Variants in REV1 observed in about 807,000 individuals in gnomAD.
REV1 encodes the protein REV1 DNA directed polymerase, also known as translesion synthesis protein REV1.
A neutral mutation model predicts 137.4 loss-of-function variants in REV1; 42 were observed. The ratio of observed to expected loss-of-function variants is 0.31; its 90% CI spans 0.24 to 0.40. The LOEUF (loss-of-function observed/expected upper bound fraction) is 0.40, where lower values mean the gene tolerates loss of function less well. REV1 is among the 10% of genes least tolerant of loss of function. The pLI, the probability that REV1 is intolerant of heterozygous loss-of-function variation, is 1.00. For missense variants in REV1, 1,282 were observed against 1,490.1 expected (o/e 0.86, Z 2.30); for synonymous variants, 524 against 519.2 (o/e 1.01, Z -0.12).
Position 99,400,634 on chromosome 2 carries a change from A to G in REV1, c.*607T>C, listed in dbSNP as rs1208693679. On this transcript the variant is annotated 3_prime_UTR_variant, in exon 23 of 23. Transcript: ENST00000258428. ...CAACACCACCTCTGATCTACGGGAC[A>G]TAATGTTCCCAGGAAAAAAATCTTC... 1 of 152,232 alleles carries G rather than the reference A, an allele frequency of 6.6e-6. No individual in the cohort carries two copies. The highest frequency in any genetic ancestry group is 1.5e-5 in the Non-Finnish European group (1 of 68,042). 9.4% of individuals were successfully genotyped at this position (152,232 alleles called of 1,614,324 possible). A position where few individuals can be genotyped will look rare whatever the true frequency, so the allele number is the denominator to read the frequency against.
intron 13 of REV1, 109 bp from the exon 14 acceptor site, chr2:99,410,976 C>G (rs1574997096): frequency 7.8e-6 from 8 of 1,029,690 alleles, no homozygotes; most frequent in Non-Finnish European, 1.1e-5. Context: ...TACTCACTAT[C>G]ACGCTCAGCA....
At chr2:99,416,994 G>A (rs1677980077) in intron 12 of REV1, among the ~76,000 whole-genome samples, 1 of 150,916 alleles carries the variant, frequency 6.6e-6, no homozygotes, top group African/African-American at 2.4e-5. Flanking sequence ...ACTAGGTCAA[G>A]TAGCTAAAAC....
Position 99,455,864 on chromosome 2 carries a change from T to C in REV1, c.182-6360A>G, listed in dbSNP as rs772434917. ...ATTCCCCCTTGTTTCATTTTGTGAA[T>C]TGTGCTAAAGTACTTGTCCGGGCCC... On this transcript the variant is annotated intron_variant, in intron 3 of 22. Transcript: ENST00000258428. 3.3e-5 allele frequency among the ~76,000 whole-genome samples: 5 copies of C among 152,228 alleles called. No individual in the cohort carries two copies. In the South Asian group the frequency reaches 6.2e-4, roughly 19 times the overall value.
chr2:99,453,496 C>T, intron 3 of REV1, among the ~76,000 whole-genome samples: 1 of 152,178 alleles, frequency 6.6e-6, no homozygotes, highest in Non-Finnish European at 1.5e-5. Flanking sequence ...TTAAATTTTG[C>T]AATTCATAAT....
intron 8 of REV1, among the ~76,000 whole-genome samples, chr2:99,430,733 C>T (rs1680006302): frequency 1.3e-5 from 2 of 152,176 alleles, no homozygotes; most frequent in South Asian, 4.1e-4. Flanking sequence ...AGCCTACTGG[C>T]TGCATGCCAC....
At chr2:99,449,737 G>A (rs1682698240) in intron 3 of REV1, among the ~76,000 whole-genome samples, 1 of 147,938 alleles carries the variant, frequency 6.8e-6, no homozygotes, top group African/African-American at 2.5e-5. Context: ...AAACATCTAA[G>A]AAGTGCCTAG....
At chr2:99,458,615 A>G (rs1205678713) in intron 3 of REV1, among the ~76,000 whole-genome samples, 1 of 152,360 alleles carries the variant, frequency 6.6e-6, no homozygotes, top group Non-Finnish European at 1.5e-5. Context: ...ACAAATGTTC[A>G]TAGCCTACCA....
At chr2:99,459,942 T>G (rs537171485) in intron 3 of REV1, among the ~76,000 whole-genome samples, 1 of 152,000 alleles carries the variant, frequency 6.6e-6, no homozygotes, top group Non-Finnish European at 1.5e-5. Context: ...TCAAGAACAC[T>G]TGGATTATTA....
intron 5 of REV1, 90 bp from the exon 6 acceptor site, chr2:99,439,400 G>A (rs1559351497): frequency 2.5e-6 from 2 of 814,214 alleles, no homozygotes; most frequent in Non-Finnish European, 3.7e-6. Context: ...GTGGTACACA[G>A]TTTGGTATTT....
intron 14 of REV1, among the ~76,000 whole-genome samples, chr2:99,410,011 T>C (rs74675814): frequency 0.013 from 1,988 of 152,254 alleles, 42 homozygotes; most frequent in African/African-American, 0.045. Context: ...ATAGTCTGCC[T>C]TTGTGTATCA....
In REV1 at chr2:99,408,219, T is replaced by TA. The variant is rs985140373; in HGVS notation, c.2346-89dup. 9.2e-5 allele frequency: 61 copies of TA among 663,340 alleles called. 1 individual carries two copies. The Middle Eastern group carries it at 6.3e-3, about 68-fold the overall frequency. The allele number at this position is 663,340 out of a possible 1,614,324, so 41.1% of individuals were successfully genotyped here. A position where few individuals can be genotyped will look rare whatever the true frequency, so the allele number is the denominator to read the frequency against. ...AGTATGGAACTGTTTAAAAGAGTTATAGAAAAGTTGTAAACAGTTACAAAG... is the reference window on the plus strand; with the variant it reads ...AGTATGGAACTGTTTAAAAGAGTTATAAGAAAAGTTGTAAACAGTTACAAAG... On this transcript the variant is annotated intron_variant, in intron 14 of 22. Coordinates refer to ENST00000258428, the MANE Select transcript of REV1 (RefSeq NM_016316.4).
intron 12 of REV1, among the ~76,000 whole-genome samples, chr2:99,413,393 G>T (rs965722488): frequency 8.5e-5 from 13 of 152,100 alleles, no homozygotes; most frequent in African/African-American, 3.1e-4. Flanking sequence ...ATCTCACAGT[G>T]GTATCAGCCA....
At chr2:99,414,319 A>G (rs1331040396) in intron 12 of REV1, among the ~76,000 whole-genome samples, 1 of 152,234 alleles carries the variant, frequency 6.6e-6, no homozygotes, top group Non-Finnish European at 1.5e-5. Flanking sequence ...TGGGTCAGAC[A>G]AGTTTAAACC....
intron 17 of REV1, among the ~76,000 whole-genome samples, 198 bp from the exon 18 acceptor site, chr2:99,404,875 G>A (rs527643981): frequency 6.6e-6 from 1 of 152,288 alleles, no homozygotes; most frequent in East Asian, 1.9e-4. Flanking sequence ...GAAGCCTGAA[G>A]TACTATGTGT....
intron 4 of REV1, among the ~76,000 whole-genome samples, chr2:99,446,793 G>A (rs1055787809): frequency 6.6e-6 from 1 of 151,860 alleles, no homozygotes; most frequent in Non-Finnish European, 1.5e-5. Flanking sequence ...GCACCCGGCC[G>A]GAAAACACCA....
At chr2:99,457,718 G>A (rs1683700381) in intron 3 of REV1, among the ~76,000 whole-genome samples, 1 of 151,508 alleles carries the variant, frequency 6.6e-6, no homozygotes, top group Non-Finnish European at 1.5e-5. Flanking sequence ...GAGAGGCGTA[G>A]GTCCTAGAAT....
At chr2:99,421,419 A>G in intron 11 of REV1, 80 bp downstream of exon 11, 1 of 1,404,264 alleles carries the variant, frequency 7.1e-7, no homozygotes, top group African/African-American at 1.4e-5. Context: ...AGCTAATAAA[A>G]AGAAAAACTC....
At chr2:99,471,166 T>C (rs1318640760) in intron 1 of REV1, among the ~76,000 whole-genome samples, 1 of 152,250 alleles carries the variant, frequency 6.6e-6, no homozygotes, top group Admixed American at 6.5e-5. Context: ...TGCCCTGCCA[T>C]ATCTCTACTC....
Position 99,487,251 on chromosome 2 carries a change from GC to G in REV1, c.-11+2565del, listed in dbSNP as rs1687250945. 2.4e-5 allele frequency among the ~76,000 whole-genome samples: 3 copies of G among 125,356 alleles called. 1 individual carries two copies. Among genetic ancestry groups the G allele is most frequent in the Admixed American group, 1.9e-4 (2 of 10,442 alleles). The allele number at this position is 125,356 out of a possible 152,430, so 82.2% of individuals were successfully genotyped here. A position where few individuals can be genotyped will look rare whatever the true frequency, so the allele number is the denominator to read the frequency against. The stretch of plus-strand genomic sequence containing the variant: ...TAGAAGCTGGCAGCTGCCAAATCAT[GC>G]TATGCCCTGATGGCGACTAAGATTC... On this transcript the variant is annotated intron_variant, in intron 1 of 22. Coordinates refer to ENST00000258428, the MANE Select transcript of REV1 (RefSeq NM_016316.4).
Sources: gnomAD v4.1 joint callset for allele counts (sites outside exome capture counted in the v4.1 genomes callset) on GRCh38, gnomAD v4.1.1 for gene constraint, MANE v1.5 for transcripts, NCBI Gene and HGNC (gene_info 2026-07-23, HGNC 2026-07-21) for gene names.